COL28A1: variants seen among roughly 807,000 people sequenced by gnomAD.
COL28A1 encodes collagen alpha-1(XXVIII) chain.
Under a neutral mutation model 150.2 loss-of-function variants are expected in COL28A1, and 161 were observed. That is an observed-to-expected ratio of 1.07 (90% CI 0.94 to 1.22). COL28A1 has a LOEUF of 1.22. Ranked by LOEUF, COL28A1 falls within the 50% of genes most tolerant of loss-of-function variation. The pLI, the probability that COL28A1 is intolerant of heterozygous loss-of-function variation, is 0.00. For missense variants in COL28A1, 1,617 were observed against 1,388.3 expected, an observed-to-expected ratio of 1.16 and a Z score of -2.62; for synonymous variants, 552 against 469.7, an observed-to-expected ratio of 1.18 and a Z score of -2.26.
At chr7:7,398,210 C>A (rs1782957627) in intron 27 of COL28A1, among the ~76,000 whole-genome samples, 1 of 152,210 alleles carries the variant, frequency 6.6e-6, no homozygotes. Flanking sequence ...GGCCATTCTT[C>A]TGATAGTCAT....
intron 14 of COL28A1, among the ~76,000 whole-genome samples, chr7:7,476,804 A>C (rs900690105): frequency 3.9e-5 from 6 of 152,222 alleles, no homozygotes; most frequent in African/African-American, 1.2e-4. Context: ...TCGATGATTT[A>C]ACTTCTGGGC....
chr7:7,462,484 C>G (rs908667646), intron 15 of COL28A1, among the ~76,000 whole-genome samples: 2 of 152,112 alleles, frequency 1.3e-5, no homozygotes, highest in Non-Finnish European at 2.9e-5. Flanking sequence ...AAAAATGATA[C>G]AAGAAGTGAA....
Position 7,532,749 on chromosome 7 carries a change from TACCCTGG to T in COL28A1, c.120_124+2del. The T allele has an allele frequency of 6.3e-7, 1 of 1,590,120 alleles. No individual in the cohort carries two copies. The highest frequency in any genetic ancestry group is 8.5e-7 in the Non-Finnish European group (1 of 1,173,810). ...TAAAAACAAACAATTTTTTTTTTTTTACCCTGGACATCACTTTTCCTTGCAAGCAAAT... is the reference window on the plus strand; with the variant it reads ...TAAAAACAAACAATTTTTTTTTTTTTACATCACTTTTCCTTGCAAGCAAAT... On this transcript the variant is annotated splice_donor_variant and coding_sequence_variant, in exon 2 of 35. Coordinates refer to ENST00000399429, the MANE Select transcript of COL28A1 (RefSeq NM_001037763.3). LOFTEE classifies it high-confidence loss of function.
chr7:7,444,274 G>C, intron 19 of COL28A1, 144 bp downstream of exon 19: 1 of 1,101,776 alleles, frequency 9.1e-7, no homozygotes, highest in Non-Finnish European at 1.3e-6. Flanking sequence ...GGGAGAAGTG[G>C]AAAGGGACAT....
chr7:7,371,063 T>A (rs78118298), intron 32 of COL28A1, among the ~76,000 whole-genome samples, 181 bp from the exon 33 acceptor site: 1,958 of 152,256 alleles, frequency 0.013, 43 homozygotes, highest in African/African-American at 0.045. Flanking sequence ...TCTAAAATAA[T>A]ATATATGACA....
intron 23 of COL28A1, 49 bp from the exon 24 acceptor site, chr7:7,432,749 A>G (rs376640970): frequency 7.0e-7 from 1 of 1,435,384 alleles, no homozygotes; most frequent in Non-Finnish European, 9.8e-7. Context: ...ACTAGAAAAC[A>G]CCTGGTCAAA....
intron 27 of COL28A1, among the ~76,000 whole-genome samples, chr7:7,410,083 C>G (rs1400051974): frequency 1.3e-5 from 2 of 152,122 alleles, no homozygotes; most frequent in African/African-American, 4.8e-5. Flanking sequence ...ATGAAAGCAA[C>G]TTGGTCCAGG....
intron 27 of COL28A1, among the ~76,000 whole-genome samples, chr7:7,389,611 G>T (rs1782411734): frequency 6.6e-6 from 1 of 152,148 alleles, no homozygotes; most frequent in Non-Finnish European, 1.5e-5. Context: ...TCACAATATT[G>T]ATTCTTCCTG....
intron 1 of COL28A1, among the ~76,000 whole-genome samples, chr7:7,534,667 T>C (rs550271801): frequency 6.6e-6 from 1 of 152,292 alleles, no homozygotes; most frequent in African/African-American, 2.4e-5. Context: ...TTAGAAATAC[T>C]GGCTTTAAAT....
At chr7:7,400,522 T>C (rs1440038307) in intron 27 of COL28A1, among the ~76,000 whole-genome samples, 2 of 152,194 alleles carry the variant, frequency 1.3e-5, no homozygotes, top group East Asian at 1.9e-4. Flanking sequence ...CTTCAGAATG[T>C]TGTAGAACGC....
At chr7:7,482,573 T>C (rs1022027602) in intron 13 of COL28A1, among the ~76,000 whole-genome samples, 1 of 151,824 alleles carries the variant, frequency 6.6e-6, no homozygotes, top group African/African-American at 2.4e-5. Flanking sequence ...TATAATGACA[T>C]TTTGGTGCAA....
chr7:7,492,682 C>T (rs1004576874), intron 11 of COL28A1, among the ~76,000 whole-genome samples: 1 of 151,348 alleles, frequency 6.6e-6, no homozygotes, highest in Non-Finnish European at 1.5e-5. Context: ...AAACCAGCTC[C>T]CCAGAAGATA....
intron 15 of COL28A1, among the ~76,000 whole-genome samples, chr7:7,471,801 A>C (rs1788453769): frequency 6.6e-6 from 1 of 152,204 alleles, no homozygotes; most frequent in African/African-American, 2.4e-5. Flanking sequence ...AGGCTGAGGC[A>C]GGAGAATTGC....
chr7:7,462,045 A>G (rs1220774887), intron 15 of COL28A1, among the ~76,000 whole-genome samples: 1 of 152,172 alleles, frequency 6.6e-6, no homozygotes, highest in Non-Finnish European at 1.5e-5. Context: ...GACGGTTCAC[A>G]TCATAGGACT....
intron 21 of COL28A1, among the ~76,000 whole-genome samples, chr7:7,438,323 G>A (rs1434089758): frequency 2.7e-5 from 4 of 147,670 alleles, no homozygotes; most frequent in Non-Finnish European, 4.4e-5. Flanking sequence ...TAGTGGGGGA[G>A]ATGTCTAATA....
At chr7:7,476,043 C>T (rs936488203) in intron 14 of COL28A1, among the ~76,000 whole-genome samples, 1 of 152,072 alleles carries the variant, frequency 6.6e-6, no homozygotes, top group Admixed American at 6.6e-5. Context: ...AATTGAATAT[C>T]GATCATGGTG....
At chr7:7,435,167 C>A (rs80268263) in intron 23 of COL28A1, among the ~76,000 whole-genome samples, 2,731 of 152,228 alleles carry the variant, frequency 0.018, 91 homozygotes, top group African/African-American at 0.063. Flanking sequence ...GGCCTATAAA[C>A]TCTAGCAGCA....
chr7:7,381,967 T>C (rs13243477), intron 27 of COL28A1, among the ~76,000 whole-genome samples: 6 of 152,214 alleles, frequency 3.9e-5, no homozygotes, highest in South Asian at 2.1e-4. Flanking sequence ...GTAGTAAAGG[T>C]GGGTTCCATC....
At chr7:7,412,434 G>T (rs1451022846) in intron 27 of COL28A1, among the ~76,000 whole-genome samples, 1 of 152,082 alleles carries the variant, frequency 6.6e-6, no homozygotes, top group East Asian at 1.9e-4. Flanking sequence ...ACTAACTAAT[G>T]TAACCAATAT....
Sources: allele counts gnomAD v4.1 joint callset (sites outside exome capture counted in the v4.1 genomes callset), GRCh38; gene constraint gnomAD v4.1.1; transcripts MANE v1.5; gene names NCBI Gene and HGNC (gene_info 2026-07-23, HGNC 2026-07-21).